The following RBFOX1 variants were observed in gnomAD, a reference collection of about 807,000 sequenced individuals.
The protein encoded by RBFOX1 is RNA binding protein fox-1 homolog 1.
Under a neutral mutation model 57.7 loss-of-function variants are expected in RBFOX1, and 8 were observed. That is an observed-to-expected ratio of 0.14 (90% CI 0.08 to 0.25). RBFOX1 has a LOEUF of 0.25. RBFOX1 is among the 10% of genes least tolerant of loss of function. RBFOX1 has a pLI of 1.00. For missense variants in RBFOX1, 611 were observed against 548.5 expected, an observed-to-expected ratio of 1.11 and a Z score of -1.14; for synonymous variants, 326 against 222.4, an observed-to-expected ratio of 1.47 and a Z score of -4.15.
chr16:5,467,363 C>T (rs1283979336), intron 2 of RBFOX1: 1 of 1,056,578 alleles, frequency 9.5e-7, no homozygotes, highest in Non-Finnish European at 1.4e-6. Context: ...CCAGGGCAGA[C>T]ATCTGTAATC....
At chr16:7,687,037 G>T (rs2076214938) in intron 14 of RBFOX1, among the ~76,000 whole-genome samples, 1 of 152,110 alleles carries the variant, frequency 6.6e-6, no homozygotes, top group South Asian at 2.1e-4. Context: ...GTGTCTAAAT[G>T]AAATGTTTTT....
At chr16:6,326,138 C>G (rs1244150724) in intron 2 of RBFOX1, among the ~76,000 whole-genome samples, 3 of 152,202 alleles carry the variant, frequency 2.0e-5, no homozygotes, top group East Asian at 1.9e-4. Flanking sequence ...GTGGTACATT[C>G]TAGCTCAAGT....
At position 6,655,447 on chromosome 16, in the gene RBFOX1, A is replaced by G. The variant is rs1392000290; in HGVS notation, c.-16+797A>G. Among the ~76,000 whole-genome samples, 3 of 150,768 alleles carry G rather than the reference A, an allele frequency of 2.0e-5. No homozygotes were observed. In the East Asian group the frequency reaches 5.8e-4, roughly 29 times the overall value. On this transcript the variant is annotated intron_variant, in intron 3 of 15. Coordinates refer to ENST00000550418, the MANE Select transcript of RBFOX1 (RefSeq NM_018723.4). ...CATCACAACACATCAACACATTCAT[A>G]TGAGCAACAGCGTCCTATCTGAGAT...
chr16:5,507,646 G>T (rs573310282), intron 2 of RBFOX1, among the ~76,000 whole-genome samples: 1 of 152,328 alleles, frequency 6.6e-6, no homozygotes, highest in African/African-American at 2.4e-5. Flanking sequence ...GTATAATCCA[G>T]TTAAGATGAG....
At chr16:5,357,068 G>A (rs1371778852) in intron 1 of RBFOX1, among the ~76,000 whole-genome samples, 11 of 152,214 alleles carry the variant, frequency 7.2e-5, no homozygotes, top group Admixed American at 6.5e-5. Flanking sequence ...TTCGACAGCA[G>A]TAGAGTTAGG....
intron 3 of RBFOX1, among the ~76,000 whole-genome samples, chr16:6,850,815 C>A (rs565287407): frequency 6.6e-6 from 1 of 152,192 alleles, no homozygotes; most frequent in Non-Finnish European, 1.5e-5. Flanking sequence ...AATCATCTCT[C>A]ATTTTCTTGT....
chr16:6,604,100 C>G (rs372354197), intron 2 of RBFOX1, among the ~76,000 whole-genome samples: 1 of 152,082 alleles, frequency 6.6e-6, no homozygotes, highest in East Asian at 1.9e-4. Flanking sequence ...CTTCCTCTAC[C>G]CCATCTGCTT....
chr16:7,038,723 A>G (rs996263372), intron 3 of RBFOX1, among the ~76,000 whole-genome samples: 2 of 152,128 alleles, frequency 1.3e-5, no homozygotes, highest in Admixed American at 6.5e-5. Context: ...GATATTGGCC[A>G]CGTGCTGCCT....
chr16:7,103,951 C>G (rs898799641), intron 4 of RBFOX1, among the ~76,000 whole-genome samples: 6 of 152,126 alleles, frequency 3.9e-5, no homozygotes, highest in Non-Finnish European at 8.8e-5. Flanking sequence ...TGAAATCTTC[C>G]AAGTATCCGT....
At chr16:7,049,640 G>A (rs1055638722) in intron 3 of RBFOX1, among the ~76,000 whole-genome samples, 1 of 152,056 alleles carries the variant, frequency 6.6e-6, no homozygotes, top group African/African-American at 2.4e-5. Context: ...GTGGGAGGTG[G>A]TAATTCACCA....
Position 6,984,176 on chromosome 16 carries a change from G to T in RBFOX1, c.-15-67881G>T, listed in dbSNP as rs1158445039. Among the ~76,000 whole-genome samples the T allele has an allele frequency of 2.6e-5, 4 of 152,148 alleles. No homozygotes were observed. In the East Asian group the frequency reaches 7.7e-4, roughly 29 times the overall value. On this transcript the variant is annotated intron_variant, in intron 3 of 15. Coordinates refer to ENST00000550418, the MANE Select transcript of RBFOX1 (RefSeq NM_018723.4). ...GCAGGACAATTGCTTGAACCCTGGA[G>T]GCAGAGGTTGCGGTGAGCCGAGATA...
chr16:6,797,308 T>C (rs1387143345), intron 3 of RBFOX1, among the ~76,000 whole-genome samples: 1 of 152,158 alleles, frequency 6.6e-6, no homozygotes, highest in Non-Finnish European at 1.5e-5. Context: ...TATACAAAGT[T>C]ACCGTTTCAG....
chr16:5,777,657 CA>C (rs2054190276), intron 3 of RBFOX1, among the ~76,000 whole-genome samples: 1 of 152,150 alleles, frequency 6.6e-6, no homozygotes, highest in Non-Finnish European at 1.5e-5. Context: ...CTAGTACAAC[CA>C]AATAGGGTTG....
At chr16:6,010,536 C>A (rs1020547616) in intron 4 of RBFOX1, among the ~76,000 whole-genome samples, 8 of 152,220 alleles carry the variant, frequency 5.3e-5, no homozygotes, top group Admixed American at 5.2e-4. Flanking sequence ...TTCACCTCCC[C>A]AGTTCACTAC....
intron 14 of RBFOX1, among the ~76,000 whole-genome samples, chr16:7,689,759 A>T (rs371819882): frequency 6.6e-5 from 10 of 152,192 alleles, no homozygotes; most frequent in South Asian, 4.1e-4. Flanking sequence ...GAGTAAATGC[A>T]TAAGAAGTGG....
At chr16:5,723,214 G>C (rs2052001488) in intron 3 of RBFOX1, among the ~76,000 whole-genome samples, 1 of 152,224 alleles carries the variant, frequency 6.6e-6, no homozygotes. Context: ...CCTCACAGAG[G>C]AGGCAGTAGA....
intron 2 of RBFOX1, among the ~76,000 whole-genome samples, chr16:5,543,227 T>G (rs780024725): frequency 6.6e-6 from 1 of 152,062 alleles, no homozygotes; most frequent in Non-Finnish European, 1.5e-5. Context: ...AAATACAACC[T>G]AAAATGAGTA....
chr16:6,510,042 A>T (rs1445885204), intron 2 of RBFOX1, among the ~76,000 whole-genome samples: 5 of 152,184 alleles, frequency 3.3e-5, no homozygotes, highest in Non-Finnish European at 7.3e-5. Flanking sequence ...TGATTGAAGC[A>T]GCTTCATATC....
intron 6 of RBFOX1, among the ~76,000 whole-genome samples, chr16:7,586,457 A>G (rs2094131858): frequency 6.6e-6 from 1 of 152,248 alleles, no homozygotes; most frequent in African/African-American, 2.4e-5. Context: ...TATGTAAGAC[A>G]CAGTCGTTGA....
Sources: gnomAD v4.1 joint callset for allele counts (sites outside exome capture counted in the v4.1 genomes callset) on GRCh38, gnomAD v4.1.1 for gene constraint, MANE v1.5 for transcripts, NCBI Gene and HGNC (gene_info 2026-07-23, HGNC 2026-07-21) for gene names.